SYNE2: variants seen among roughly 807,000 people sequenced by gnomAD.
The protein encoded by SYNE2 is spectrin repeat containing nuclear envelope protein 2.
In SYNE2, 431 loss-of-function variants were observed where a neutral mutation model predicts 856.3. The ratio of observed to expected loss-of-function variants is 0.50; its 90% CI spans 0.47 to 0.55. The LOEUF (loss-of-function observed/expected upper bound fraction) is 0.55. SYNE2 is among the 20% of genes least tolerant of loss of function. SYNE2 has a pLI of 0.00. For missense variants in SYNE2, 8,129 were observed against 8,023.2 expected (o/e 1.01, Z -0.50); for synonymous variants, 2,923 against 2,872.3 (o/e 1.02, Z -0.56).
Position 64,141,422 on chromosome 14 carries a change from G to C in SYNE2, c.15058G>C (p.Glu5020Gln), listed in dbSNP as rs747472621. 2.5e-6 allele frequency: 4 copies of C among 1,614,054 alleles called. No individual in the cohort carries two copies. In the Admixed American group the frequency reaches 6.7e-5, roughly 27 times the overall value. The change falls in exon 81 of 116, where the codon GAA becomes CAA. Residue 5020 changes from glutamate (E) to glutamine (Q), a missense_variant. Transcript: ENST00000555002. ...SIGNQLLHLK[E>Q]TDTATLRASL... is the part of the protein sequence containing the mutation. ...CGGGAACCAGCTTCTTCACCTGAAAGAAACTGATACAGCTACACTGAGAGC... is the reference window on the plus strand; with the variant it reads ...CGGGAACCAGCTTCTTCACCTGAAACAAACTGATACAGCTACACTGAGAGC...
chr14:64,218,753 T>G (rs1007573612), intron 109 of SYNE2, among the ~76,000 whole-genome samples: 1 of 152,236 alleles, frequency 6.6e-6, no homozygotes, highest in East Asian at 1.9e-4. Context: ...CCTGAGGAAG[T>G]GCAGGTTTTC....
intron 55 of SYNE2, among the ~76,000 whole-genome samples, chr14:64,078,812 C>A (rs1203599798): frequency 6.6e-6 from 1 of 152,174 alleles, no homozygotes. Flanking sequence ...TGACCCACGC[C>A]TGTAATCCCA....
At chr14:64,150,906 C>T (rs972159497) in intron 84 of SYNE2, among the ~76,000 whole-genome samples, 1 of 152,178 alleles carries the variant, frequency 6.6e-6, no homozygotes, top group African/African-American at 2.4e-5. Flanking sequence ...TCAGAGAAGT[C>T]GTTTTGTTTC....
At chr14:64,172,600 T>C (rs1326672310) in intron 94 of SYNE2, among the ~76,000 whole-genome samples, 1 of 151,996 alleles carries the variant, frequency 6.6e-6, no homozygotes, top group Non-Finnish European at 1.5e-5. Context: ...ACTCTAACAA[T>C]GAAGGCTATC....
intron 98 of SYNE2, 50 bp downstream of exon 98, chr14:64,188,758 C>T (rs778011588): frequency 6.9e-6 from 11 of 1,599,768 alleles, no homozygotes; most frequent in South Asian, 4.4e-5. Flanking sequence ...ATGGAATTGT[C>T]GGCCCTCCTC....
At chr14:64,053,873 G>T (rs1383774240) in intron 48 of SYNE2, among the ~76,000 whole-genome samples, 1 of 152,164 alleles carries the variant, frequency 6.6e-6, no homozygotes, top group African/African-American at 2.4e-5. Context: ...GGAGGCTGAG[G>T]TACAAGAATC....
At chr14:64,108,609 T>C (rs17225625) in intron 65 of SYNE2, among the ~76,000 whole-genome samples, 20,318 of 152,150 alleles carry the variant, frequency 0.13, 1,752 homozygotes, top group East Asian at 0.38. Flanking sequence ...TTTTATTGTT[T>C]AATTATTGCA....
chr14:64,166,354 C>CA (rs1474519586), intron 90 of SYNE2, among the ~76,000 whole-genome samples: 33 of 152,300 alleles, frequency 2.2e-4, no homozygotes, highest in Middle Eastern at 3.4e-3. Flanking sequence ...AAAAAGTTTG[C>CA]TTATCCTGAC....
At chr14:64,145,076 G>A (rs1294858412) in intron 83 of SYNE2, among the ~76,000 whole-genome samples, 1 of 151,752 alleles carries the variant, frequency 6.6e-6, no homozygotes, top group African/African-American at 2.4e-5. Flanking sequence ...ACACATGCCT[G>A]CCGCCACGCC....
intron 102 of SYNE2, 171 bp downstream of exon 102, chr14:64,209,749 T>G: frequency 8.7e-7 from 1 of 1,148,728 alleles, no homozygotes. Flanking sequence ...ACATTGCTGA[T>G]GTACTCCAGC....
intron 2 of SYNE2, among the ~76,000 whole-genome samples, chr14:63,915,465 C>T (rs1440379545): frequency 6.6e-6 from 1 of 152,120 alleles, no homozygotes; most frequent in Non-Finnish European, 1.5e-5. Flanking sequence ...ACAACATAGG[C>T]CAATGCTCTA....
intron 1 of SYNE2, among the ~76,000 whole-genome samples, chr14:63,875,044 AT>A (rs34978076): frequency 0.059 from 8,627 of 146,694 alleles, 269 homozygotes; most frequent in Middle Eastern, 0.1. Context: ...CAAACCTCTG[AT>A]TTTTTTTTTT....
At chr14:64,213,486 C>G (rs905949204) in intron 105 of SYNE2, among the ~76,000 whole-genome samples, 5 of 152,132 alleles carry the variant, frequency 3.3e-5, no homozygotes, top group African/African-American at 1.2e-4. Context: ...ACGAAAGGCC[C>G]TTTTGGGAAG....
chr14:64,179,437 G>A (rs1227137959), intron 96 of SYNE2, among the ~76,000 whole-genome samples: 2 of 152,192 alleles, frequency 1.3e-5, no homozygotes, highest in Non-Finnish European at 2.9e-5. Flanking sequence ...CACAGCGCCT[G>A]GCCTACAATG....
At chr14:63,836,653 T>C (rs1325080388) in intron 1 of SYNE2, among the ~76,000 whole-genome samples, 2 of 152,206 alleles carry the variant, frequency 1.3e-5, no homozygotes, top group African/African-American at 4.8e-5. Context: ...CCGTTCCCAC[T>C]ACCACCACCT....
At position 64,003,181 on chromosome 14, in the gene SYNE2, T is replaced by C. The variant is rs777978839; in HGVS notation, c.4248T>C (p.Tyr1416=). 29 of 1,614,022 alleles carry C rather than the reference T, an allele frequency of 1.8e-5. No homozygotes were observed. In the African/African-American group the frequency reaches 2.9e-4, roughly 16 times the overall value. Residue 1416 remains tyrosine (Y), a synonymous_variant, in exon 30 of 116, where the codon TAT becomes TAC. Coordinates refer to ENST00000555002, the MANE Select transcript of SYNE2 (RefSeq NM_182914.3). ...TAAAGTTATCTGAGACACATGGCTA[T>C]GGGGTACAGGAGGAATTCACTGAGG... ...FSIKLSETHG[Y]GVQEEFTEEN...
At chr14:63,822,633 A>G (rs1595145876) in intron 1 of SYNE2, among the ~76,000 whole-genome samples, 1 of 152,350 alleles carries the variant, frequency 6.6e-6, no homozygotes, top group East Asian at 1.9e-4. Flanking sequence ...ATATTACTGG[A>G]AACCTAAAAG....
intron 1 of SYNE2, among the ~76,000 whole-genome samples, chr14:63,865,710 A>ACCCCCCCCCCC (rs1429490991): frequency 3.7e-5 from 1 of 27,108 alleles, no homozygotes. Context: ...AAAACTCTGT[A>ACCCCCCCCCCC]CCCACCCCCC....
intron 30 of SYNE2, 149 bp downstream of exon 30, chr14:64,003,479 T>C: frequency 1.8e-6 from 2 of 1,142,280 alleles, no homozygotes; most frequent in South Asian, 2.6e-5. Context: ...TGTAGACTTT[T>C]CAAGCAAACT....
Sources: gnomAD v4.1 joint callset for allele counts (sites outside exome capture counted in the v4.1 genomes callset) on GRCh38, gnomAD v4.1.1 for gene constraint, MANE v1.5 for transcripts, NCBI Gene and HGNC (gene_info 2026-07-23, HGNC 2026-07-21) for gene names.